The following NSL1 variants were observed in gnomAD, a reference collection of about 807,000 sequenced individuals.
NSL1 encodes kinetochore-associated protein NSL1 homolog.
A neutral mutation model predicts 25.4 loss-of-function variants in NSL1; 11 were observed. The observed-to-expected ratio is 0.43, with a 90% CI of 0.27 to 0.72. NSL1 has a LOEUF of 0.72. NSL1 is among the 30% of genes least tolerant of loss of function. The pLI is 0.19. For synonymous variants in NSL1, 118 were observed against 120.6 expected, an observed-to-expected ratio of 0.98 and a Z score of 0.14; for missense variants, 330 against 342.7, an observed-to-expected ratio of 0.96 and a Z score of 0.29.
chr1:212,741,912 C>T (rs929387198), intron 4 of NSL1, among the ~76,000 whole-genome samples: 8 of 152,112 alleles, frequency 5.3e-5, no homozygotes, highest in African/African-American at 1.9e-4. Flanking sequence ...ACATACCTCA[C>T]CTCCTGCCTG....
At chr1:212,771,591 G>T (rs553356009) in intron 4 of NSL1, among the ~76,000 whole-genome samples, 2,933 of 47,288 alleles carry the variant, frequency 0.062, 50 homozygotes, top group Middle Eastern at 0.13. Context: ...CTTACATAGA[G>T]AAAAACCTAA....
intron 5 of NSL1, among the ~76,000 whole-genome samples, chr1:212,739,244 T>C (rs1179475694): frequency 6.6e-6 from 1 of 152,164 alleles, no homozygotes; most frequent in Admixed American, 6.5e-5. Flanking sequence ...ATTCAATACA[T>C]TTTAGCTGGT....
chr1:212,738,289 G>T lies in NSL1; in HGVS notation c.*119C>A. The T allele has an allele frequency of 6.8e-7, 1 of 1,471,470 alleles. No homozygotes were observed. 91.2% of individuals were successfully genotyped at this position (1,471,470 alleles called of 1,614,324 possible). Reference sequence around the variant, plus strand: ...ACAGAGATACTATATCTGTATAAATGAATCACTAGTAAAAGAGTTATTTCT... The same window carrying T: ...ACAGAGATACTATATCTGTATAAATTAATCACTAGTAAAAGAGTTATTTCT... On this transcript the variant is annotated 3_prime_UTR_variant, in exon 6 of 6. Transcript: ENST00000366977.
chr1:212,737,949 C>T lies in NSL1; in HGVS notation c.*459G>A, dbSNP rs1391087603. 1.3e-5 allele frequency: 13 copies of T among 985,438 alleles called. No homozygotes were observed. Among genetic ancestry groups the T allele is most frequent in the African/African-American group, 1.7e-5 (1 of 57,180 alleles). 61.0% of individuals were successfully genotyped at this position (985,438 alleles called of 1,614,324 possible). On this transcript the variant is annotated 3_prime_UTR_variant, in exon 6 of 6. Transcript: ENST00000366977. ...TCAAACTACATCTTTAAAAAAAAAC[C>T]CTGCATCTGCTGCTGTGCAGAACTG... is the stretch of plus-strand genomic sequence containing the variant.
intron 5 of NSL1, 85 bp downstream of exon 5, chr1:212,739,449 G>T: frequency 7.9e-7 from 1 of 1,264,146 alleles, no homozygotes; most frequent in Non-Finnish European, 1.1e-6. Flanking sequence ...TGTTAGAGCA[G>T]ACTAAAACAC....
At chr1:212,750,027 G>A (rs1658991502) in intron 4 of NSL1, among the ~76,000 whole-genome samples, 1 of 151,044 alleles carries the variant, frequency 6.6e-6, no homozygotes, top group Non-Finnish European at 1.5e-5. Flanking sequence ...CCACTAGAGG[G>A]CAGTACTAAC....
rs550142472 is a variant in NSL1 at position 212,731,682 on chromosome 1, C to A, written c.*6726G>T. The A allele has an allele frequency of 1.0e-6, 1 of 985,418 alleles. No homozygotes were observed. Among genetic ancestry groups the A allele is most frequent in the Admixed American group, 6.1e-5 (1 of 16,286 alleles). The allele number at this position is 985,418 out of a possible 1,614,324, so 61.0% of individuals were successfully genotyped here. A position where few individuals can be genotyped will look rare whatever the true frequency, so the allele number is the denominator to read the frequency against. ...TTATTCTGCTGCACTAAATTATATC[C>A]ATATTGTATGATCTTGAATCAGCTT... On this transcript the variant is annotated 3_prime_UTR_variant, in exon 6 of 6. Transcript: ENST00000366977.
At chr1:212,750,834 G>A (rs113552658) in intron 4 of NSL1, among the ~76,000 whole-genome samples, 30,987 of 151,882 alleles carry the variant, frequency 0.2, 3,981 homozygotes, top group African/African-American at 0.37. Flanking sequence ...CCAGCTACTA[G>A]GGAGGCTGAG....
In NSL1 at chr1:212,726,540, T is replaced by A. The variant is rs925039512; in HGVS notation, c.*11868A>T. On this transcript the variant is annotated 3_prime_UTR_variant, in exon 6 of 6. Transcript: ENST00000366977. Reference sequence around the variant, plus strand: ...CTGTACTCTCTCTGGCCCTCTGGTCTCCACAGCAAATGCCCCTGTCCACCT... The same window carrying A: ...CTGTACTCTCTCTGGCCCTCTGGTCACCACAGCAAATGCCCCTGTCCACCT... 2.0e-5 allele frequency: 3 copies of A among 152,660 alleles called. No individual in the cohort carries two copies. Among genetic ancestry groups the A allele is most frequent in the Non-Finnish European group, 2.9e-5 (2 of 68,392 alleles). The allele number at this position is 152,660 out of a possible 1,614,324, so 9.5% of individuals were successfully genotyped here. A position where few individuals can be genotyped will look rare whatever the true frequency, so the allele number is the denominator to read the frequency against.
chr1:212,739,125 G>C (rs759549280), intron 5 of NSL1, among the ~76,000 whole-genome samples: 15 of 152,134 alleles, frequency 9.9e-5, no homozygotes, highest in Non-Finnish European at 1.6e-4. Flanking sequence ...TAGCCTCTCT[G>C]TGCCTCAGCT....
Position 212,727,566 on chromosome 1 carries a change from C to T in NSL1, c.*10842G>A. 1.0e-6 allele frequency: 1 copy of T among 985,388 alleles called. No homozygotes were observed. Among genetic ancestry groups the T allele is most frequent in the Non-Finnish European group, 1.2e-6 (1 of 829,894 alleles). 61.0% of individuals were successfully genotyped at this position (985,388 alleles called of 1,614,324 possible). On this transcript the variant is annotated 3_prime_UTR_variant, in exon 6 of 6. Coordinates refer to ENST00000366977, the MANE Select transcript of NSL1 (RefSeq NM_015471.4). ...TGAATTAGACGTGTGCCACATACTT[C>T]TCTCAAAAACTTTATGACTCAGTTG...
Position 212,737,944 on chromosome 1 carries a change from A to C in NSL1, c.*464T>G. ...ATAAATCAAACTACATCTTTAAAAA[A>C]AAACCCTGCATCTGCTGCTGTGCAG... is the stretch of plus-strand genomic sequence containing the variant. On this transcript the variant is annotated 3_prime_UTR_variant, in exon 6 of 6. Transcript: ENST00000366977. 1.0e-6 allele frequency: 1 copy of C among 985,860 alleles called. No homozygotes were observed. The highest frequency in any genetic ancestry group is 4.7e-5 in the South Asian group (1 of 21,302). 61.1% of individuals were successfully genotyped at this position (985,860 alleles called of 1,614,324 possible).
Position 212,731,018 on chromosome 1 carries a change from C to A in NSL1, c.*7390G>T. ...AATGTAGAGACACAGCAACGAATTA[C>A]AAGGGATTCTTTACCCCTGAAGCTT... On this transcript the variant is annotated 3_prime_UTR_variant, in exon 6 of 6. Coordinates refer to ENST00000366977, the MANE Select transcript of NSL1 (RefSeq NM_015471.4). 3.0e-6 allele frequency: 3 copies of A among 985,384 alleles called. No individual in the cohort carries two copies. The highest frequency in any genetic ancestry group is 3.6e-6 in the Non-Finnish European group (3 of 829,932). 61.0% of individuals were successfully genotyped at this position (985,384 alleles called of 1,614,324 possible).
intron 4 of NSL1, among the ~76,000 whole-genome samples, chr1:212,766,734 A>G (rs1029644980): frequency 1.3e-5 from 2 of 152,208 alleles, no homozygotes; most frequent in African/African-American, 2.4e-5. Context: ...AAAGTATCAA[A>G]GTACAAAATC....
chr1:212,778,555 C>T (rs1010977493), intron 4 of NSL1, among the ~76,000 whole-genome samples: 3 of 150,296 alleles, frequency 2.0e-5, no homozygotes, highest in East Asian at 2.0e-4. Flanking sequence ...CGCGCCGCCA[C>T]GCCTGACTGG....
chr1:212,740,292 T>C (rs1658441983), intron 4 of NSL1, among the ~76,000 whole-genome samples: 1 of 152,206 alleles, frequency 6.6e-6, no homozygotes, highest in Non-Finnish European at 1.5e-5. Flanking sequence ...CTAGAAGAGA[T>C]TGGTCAATAA....
In NSL1 at chr1:212,733,819, C is replaced by T. The variant is rs3006241; in HGVS notation, c.*4589G>A. ...GTTTTCAATTCTCTTAGGTTTAGAA[C>T]GTGGAGTAAAATTGCTGGGCCATAT... On this transcript the variant is annotated 3_prime_UTR_variant, in exon 6 of 6. Transcript: ENST00000366977. Among the ~76,000 whole-genome samples, 5,051 of 152,256 alleles carry T rather than the reference C, an allele frequency of 0.033. 138 individuals are homozygous for T. The highest frequency in any genetic ancestry group is 0.047 in the Non-Finnish European group (3,181 of 68,032).
chr1:212,787,846 A>G (rs1256223848), intron 1 of NSL1, among the ~76,000 whole-genome samples: 2 of 152,174 alleles, frequency 1.3e-5, no homozygotes, highest in Non-Finnish European at 2.9e-5. Context: ...ATGCTACCCA[A>G]GAGAAAATCT....
chr1:212,738,008 T>C lies in NSL1; in HGVS notation c.*400A>G, dbSNP rs750674066. ...TTTTCAGCATGTAAACGAAAAATCATTATACAGCTCTCTCTCTTTTTTTTT... is the reference window on the plus strand; with the variant it reads ...TTTTCAGCATGTAAACGAAAAATCACTATACAGCTCTCTCTCTTTTTTTTT... On this transcript the variant is annotated 3_prime_UTR_variant, in exon 6 of 6. Transcript: ENST00000366977. 104 of 983,536 alleles carry C rather than the reference T, an allele frequency of 1.1e-4. No individual in the cohort carries two copies. The highest frequency in any genetic ancestry group is 1.2e-4 in the Non-Finnish European group (101 of 831,344). 60.9% of individuals were successfully genotyped at this position (983,536 alleles called of 1,614,324 possible).
Sources: allele counts gnomAD v4.1 joint callset (sites outside exome capture counted in the v4.1 genomes callset), GRCh38; gene constraint gnomAD v4.1.1; transcripts MANE v1.5; gene names NCBI Gene and HGNC (gene_info 2026-07-23, HGNC 2026-07-21).